Variants in SEMA3E observed in about 807,000 individuals in gnomAD.
The protein encoded by SEMA3E is semaphorin 3E, also known as semaphorin-3E.
In SEMA3E, 49 loss-of-function variants were observed where a neutral mutation model predicts 93.6. The ratio of observed to expected loss-of-function variants is 0.52; its 90% CI spans 0.42 to 0.66. The LOEUF (loss-of-function observed/expected upper bound fraction) is 0.66. Among genes scored for constraint, SEMA3E ranks in the 30% least tolerant of loss-of-function variants. The pLI, the probability that SEMA3E is intolerant of heterozygous loss-of-function variation, is 0.00. For synonymous variants in SEMA3E, 363 were observed against 330.7 expected, an observed-to-expected ratio of 1.10 and a Z score of -1.06; for missense variants, 906 against 964.8, an observed-to-expected ratio of 0.94 and a Z score of 0.81.
intron 1 of SEMA3E, among the ~76,000 whole-genome samples, chr7:83,594,914 T>C (rs1292881502): frequency 6.6e-6 from 1 of 151,460 alleles, no homozygotes; most frequent in East Asian, 1.9e-4. Flanking sequence ...TTTATTCCAG[T>C]TATGTTTGGG....
At chr7:83,539,784 A>G (rs530744699) in intron 1 of SEMA3E, among the ~76,000 whole-genome samples, 1 of 151,684 alleles carries the variant, frequency 6.6e-6, no homozygotes, top group South Asian at 2.1e-4. Flanking sequence ...TTGCATGTTC[A>G]ATCTGTCAAA....
chr7:83,499,333 T>A (rs77296623), intron 1 of SEMA3E, among the ~76,000 whole-genome samples: 3,280 of 152,256 alleles, frequency 0.022, 118 homozygotes, highest in African/African-American at 0.076. Flanking sequence ...ACTTTAAAAT[T>A]CCCTGACTAT....
At chr7:83,396,861 T>C in intron 11 of SEMA3E, 132 bp from the exon 12 acceptor site, 1 of 642,062 alleles carries the variant, frequency 1.6e-6, no homozygotes, top group Admixed American at 2.3e-5. Context: ...GGTGTATCTC[T>C]TGAGGTCAGG....
At chr7:83,621,017 A>G (rs1269547188) in intron 1 of SEMA3E, among the ~76,000 whole-genome samples, 1 of 152,298 alleles carries the variant, frequency 6.6e-6, no homozygotes, top group East Asian at 1.9e-4. Context: ...ACATAAAGAA[A>G]TAACAGGTTT....
intron 2 of SEMA3E, among the ~76,000 whole-genome samples, chr7:83,481,779 TACAA>T (rs1790150872): frequency 6.6e-6 from 1 of 152,154 alleles, no homozygotes; most frequent in Non-Finnish European, 1.5e-5. Flanking sequence ...ACTAATACAA[TACAA>T]TAAGTTTATT....
At chr7:83,591,106 C>CTAAA (rs1792748069) in intron 1 of SEMA3E, among the ~76,000 whole-genome samples, 1 of 114,586 alleles carries the variant, frequency 8.7e-6, no homozygotes, top group Admixed American at 8.9e-5. Flanking sequence ...GAGTTATTTG[C>CTAAA]AAAAAAAAAA....
chr7:83,614,636 G>A (rs1373906807), intron 1 of SEMA3E, among the ~76,000 whole-genome samples: 1 of 152,076 alleles, frequency 6.6e-6, no homozygotes, highest in Non-Finnish European at 1.5e-5. Context: ...CAAAGTAGGT[G>A]TTCAAATGAG....
intron 4 of SEMA3E, among the ~76,000 whole-genome samples, chr7:83,421,274 A>T (rs1421922337): frequency 7.0e-6 from 1 of 142,272 alleles, no homozygotes; most frequent in Non-Finnish European, 1.6e-5. Flanking sequence ...AATATTTATC[A>T]ACAAATGCCA....
intron 5 of SEMA3E, among the ~76,000 whole-genome samples, chr7:83,416,164 G>T (rs1788534445): frequency 6.6e-6 from 1 of 152,166 alleles, no homozygotes; most frequent in African/African-American, 2.4e-5. Flanking sequence ...AAGGTACTTT[G>T]GGATGAAAGT....
chr7:83,367,703 T>C lies in SEMA3E; in HGVS notation c.2211A>G (p.Arg737=), dbSNP rs2371545. 0.013 allele frequency: 21,626 copies of C among 1,613,936 alleles called. 2,338 individuals are homozygous for C. The African/African-American group carries it at 0.25, about 18-fold the overall frequency. ...EYCEKVWCTD[R]KRKKLKMSPS... Reference sequence around the variant, plus strand: ...GTGACATTTTAAGCTTTTTCCTCTTTCTATCTGTGCACCATACTTTCTCGC... The same window carrying C: ...GTGACATTTTAAGCTTTTTCCTCTTCCTATCTGTGCACCATACTTTCTCGC... Residue 737 remains arginine, a synonymous_variant, in exon 17 of 17, where the codon AGA becomes AGG. Transcript: ENST00000643230.
At chr7:83,498,403 C>A (rs541681810) in intron 1 of SEMA3E, among the ~76,000 whole-genome samples, 2 of 151,826 alleles carry the variant, frequency 1.3e-5, no homozygotes, top group South Asian at 4.2e-4. Flanking sequence ...AACACAAATC[C>A]GATTTTAGTA....
At chr7:83,500,263 C>G (rs1319932060) in intron 1 of SEMA3E, among the ~76,000 whole-genome samples, 1 of 152,026 alleles carries the variant, frequency 6.6e-6, no homozygotes, top group African/African-American at 2.4e-5. Flanking sequence ...CAGTGAAACC[C>G]CATCTCTACT....
intron 1 of SEMA3E, among the ~76,000 whole-genome samples, chr7:83,609,437 G>C (rs1380573326): frequency 2.6e-5 from 4 of 151,956 alleles, no homozygotes; most frequent in Non-Finnish European, 5.9e-5. Flanking sequence ...TCTAAATTTT[G>C]TGAATATTTT....
chr7:83,621,757 A>C (rs190716175), intron 1 of SEMA3E, among the ~76,000 whole-genome samples: 44 of 152,338 alleles, frequency 2.9e-4, no homozygotes, highest in African/African-American at 1.1e-3. Flanking sequence ...TTCCCTGTTT[A>C]ATAAATGGTG....
chr7:83,384,169 G>A (rs1380627219), intron 16 of SEMA3E, among the ~76,000 whole-genome samples: 2 of 151,988 alleles, frequency 1.3e-5, no homozygotes, highest in Non-Finnish European at 2.9e-5. Context: ...AGAATGTACT[G>A]TATGATTTTG....
rs559964350 is a variant in SEMA3E at position 83,553,419 on chromosome 7, A to G, written c.116-63145T>C. Among the ~76,000 whole-genome samples, 10 of 152,300 alleles carry G rather than the reference A, an allele frequency of 6.6e-5. No homozygotes were observed. In the South Asian group the frequency reaches 1.9e-3, roughly 28 times the overall value. ...ACTTTGTACTCATCCACATGCTTACAATTTTATACATATATACAAACAGAT... is the reference window on the plus strand; with the variant it reads ...ACTTTGTACTCATCCACATGCTTACGATTTTATACATATATACAAACAGAT... On this transcript the variant is annotated intron_variant, in intron 1 of 16. Coordinates refer to ENST00000643230, the MANE Select transcript of SEMA3E (RefSeq NM_012431.3).
chr7:83,614,726 G>A (rs958485336), intron 1 of SEMA3E, among the ~76,000 whole-genome samples: 2 of 152,058 alleles, frequency 1.3e-5, no homozygotes, highest in Non-Finnish European at 2.9e-5. Flanking sequence ...TACTGAGGCA[G>A]GAAAAGAAAA....
chr7:83,616,400 C>T (rs375392229), intron 1 of SEMA3E, among the ~76,000 whole-genome samples: 1 of 152,038 alleles, frequency 6.6e-6, no homozygotes, highest in East Asian at 1.9e-4. Flanking sequence ...TTAGAGATAA[C>T]TAGCTTTGAG....
At chr7:83,615,330 CAT>C (rs1793342404) in intron 1 of SEMA3E, among the ~76,000 whole-genome samples, 2 of 151,986 alleles carry the variant, frequency 1.3e-5, no homozygotes, top group African/African-American at 4.8e-5. Context: ...ACGTTCAATT[CAT>C]ATGAGATTTT....
Sources: gnomAD v4.1 joint callset for allele counts (sites outside exome capture counted in the v4.1 genomes callset) on GRCh38, gnomAD v4.1.1 for gene constraint, MANE v1.5 for transcripts, NCBI Gene and HGNC (gene_info 2026-07-23, HGNC 2026-07-21) for gene names.